Variants in ERMP1 observed in about 807,000 individuals in gnomAD.
ERMP1 encodes endoplasmic reticulum metallopeptidase 1.
Under a neutral mutation model 92.0 loss-of-function variants are expected in ERMP1, and 86 were observed. That is an observed-to-expected ratio of 0.93 (90% CI 0.79 to 1.12). ERMP1 has a LOEUF of 1.12. Ranked by LOEUF, ERMP1 falls within the 50% of genes most tolerant of loss-of-function variation. ERMP1 has a pLI of 0.00. For missense variants in ERMP1, 1,342 were observed against 1,116.3 expected (o/e 1.20, Z -2.88); for synonymous variants, 530 against 412.8 (o/e 1.28, Z -3.44).
intron 2 of ERMP1, 79 bp downstream of exon 2, chr9:5,830,648 T>G: frequency 8.6e-7 from 1 of 1,160,214 alleles, no homozygotes; most frequent in African/African-American, 1.6e-5. Flanking sequence ...TCCCCACAAT[T>G]GCCCAAGTAG....
At position 5,811,172 on chromosome 9, in the gene ERMP1, G is replaced by A. The variant is rs764388180; in HGVS notation, c.1266C>T (p.Tyr422=). The change falls in exon 7 of 15, where the codon TAC becomes TAT. Residue 422 remains tyrosine, a synonymous_variant. Transcript: ENST00000339450. ...ACAAAACAACACCCATTACCACCAT[G>A]TAGTTTATGATTGAGCCAATACGAG... ...YPSRIGSIIN[Y]MVVMGVVLYL... The A allele has an allele frequency of 1.9e-6, 3 of 1,614,002 alleles. No individual in the cohort carries two copies. The Admixed American group carries it at 5.0e-5, about 27-fold the overall frequency.
chr9:5,807,086 T>C (rs1828898262), intron 8 of ERMP1, among the ~76,000 whole-genome samples: 3 of 152,144 alleles, frequency 2.0e-5, no homozygotes, highest in South Asian at 2.1e-4. Flanking sequence ...AAAACAAAGA[T>C]CTCATTTTAA....
chr9:5,831,854 A>G (rs1165804427), intron 1 of ERMP1, among the ~76,000 whole-genome samples: 1 of 152,160 alleles, frequency 6.6e-6, no homozygotes, highest in African/African-American at 2.4e-5. Flanking sequence ...AATGAAAACA[A>G]AACTGTTTTT....
chr9:5,844,281 T>C (rs1480687304), intron 6 of ERMP1, among the ~76,000 whole-genome samples: 6 of 152,090 alleles, frequency 3.9e-5, no homozygotes, highest in Non-Finnish European at 2.9e-5. Context: ...GTTTGTTTGT[T>C]CGTTTGTTTC....
intron 2 of ERMP1, among the ~76,000 whole-genome samples, chr9:5,830,264 A>T (rs115153348): frequency 1.3e-5 from 2 of 152,232 alleles, no homozygotes; most frequent in South Asian, 2.1e-4. Context: ...TCTTCTTCCA[A>T]TGTGGCCCAG....
chr9:5,809,749 G>C (rs904418721), intron 8 of ERMP1, among the ~76,000 whole-genome samples: 1 of 152,196 alleles, frequency 6.6e-6, no homozygotes, highest in African/African-American at 2.4e-5. Flanking sequence ...AAATTCAGTA[G>C]AAGGCTGTGC....
upstream of ERMP1, among the ~76,000 whole-genome samples, chr9:5,834,992 TG>T: frequency 6.7e-6 from 1 of 149,038 alleles, no homozygotes; most frequent in Non-Finnish European, 1.5e-5. Context: ...TGTGTGTGTG[TG>T]TGTGTGTGTG....
chr9:5,865,516 AT>A (rs1189502552), intron 5 of ERMP1, among the ~76,000 whole-genome samples: 770 of 27,604 alleles, frequency 0.028, 1 homozygote, highest in South Asian at 0.085. Flanking sequence ...TCAAAAAATA[AT>A]AATAATAATA....
chr9:5,808,927 C>T (rs1828976004), intron 8 of ERMP1, among the ~76,000 whole-genome samples: 1 of 152,206 alleles, frequency 6.6e-6, no homozygotes, highest in East Asian at 1.9e-4. Context: ...TTTGTGGAGA[C>T]AGGGTTTCAC....
chr9:5,788,804 G>T (rs905811375), intron 13 of ERMP1, among the ~76,000 whole-genome samples: 5 of 152,056 alleles, frequency 3.3e-5, no homozygotes, highest in Admixed American at 1.3e-4. Context: ...ACCCCACCAT[G>T]AATCAGAAAT....
chr9:5,837,581 T>C (rs1342025860), upstream of ERMP1, among the ~76,000 whole-genome samples: 1 of 152,138 alleles, frequency 6.6e-6, no homozygotes, highest in Admixed American at 6.5e-5. Flanking sequence ...AAAAGTCAAA[T>C]GACAAATGGA....
chr9:5,818,043 G>A (rs1437810445), intron 4 of ERMP1, among the ~76,000 whole-genome samples: 5 of 151,938 alleles, frequency 3.3e-5, no homozygotes, highest in Non-Finnish European at 5.9e-5. Context: ...TGGATCTATC[G>A]ATTTTGGTGG....
rs971098304 is a variant in ERMP1, at chr9:5,805,626, C to A, written c.1708G>T (p.Asp570Tyr). The change falls in exon 9 of 15, where the codon GAC (aspartate) becomes TAC (tyrosine). Residue 570 changes from aspartate (D) to tyrosine (Y), a missense_variant. Coordinates refer to ENST00000339450, the MANE Select transcript of ERMP1 (RefSeq NM_024896.3). ...PLLTKLCVHKDFKQHGAQGKF... is the reference protein window; with the variant it reads ...PLLTKLCVHKYFKQHGAQGKF... Reference sequence around the variant, plus strand: ...AATACCCTACCATGCTGCTTGAAGTCCTTATGCACACAGAGCTTTGTGAGC... The same window carrying A: ...AATACCCTACCATGCTGCTTGAAGTACTTATGCACACAGAGCTTTGTGAGC... 2.5e-6 allele frequency: 4 copies of A among 1,594,688 alleles called. No individual in the cohort carries two copies. In the African/African-American group the frequency reaches 4.1e-5, roughly 16 times the overall value.
At chr9:5,832,085 T>TAA (rs71487835) in intron 1 of ERMP1, among the ~76,000 whole-genome samples, 24 of 135,856 alleles carry the variant, frequency 1.8e-4, no homozygotes, top group African/African-American at 5.1e-4. Flanking sequence ...TTAAAGGTCT[T>TAA]AAAAAAAAAA....
At chr9:5,840,988 A>C (rs112353389) in intron 6 of ERMP1, among the ~76,000 whole-genome samples, 53 of 152,222 alleles carry the variant, frequency 3.5e-4, no homozygotes, top group Non-Finnish European at 1.5e-4. Flanking sequence ...GGCGAACTTG[A>C]TTTATATTTT....
chr9:5,824,535 T>G (rs572365668), intron 3 of ERMP1, among the ~76,000 whole-genome samples: 1 of 152,272 alleles, frequency 6.6e-6, no homozygotes, highest in Admixed American at 6.5e-5. Flanking sequence ...CCCGAATAGC[T>G]GGGATTACAG....
chr9:5,857,391 G>A (rs1156767247), intron 6 of ERMP1, among the ~76,000 whole-genome samples: 1 of 152,088 alleles, frequency 6.6e-6, no homozygotes, highest in Non-Finnish European at 1.5e-5. Flanking sequence ...CCTCGGCTGG[G>A]CACGTGCACA....
rs1461354157 is a variant in ERMP1 at position 5,787,000 on chromosome 9, C to T, written c.*144G>A. On this transcript the variant is annotated 3_prime_UTR_variant, in exon 15 of 15. Coordinates refer to ENST00000339450, the MANE Select transcript of ERMP1 (RefSeq NM_024896.3). ...AGCTAAACCCTTATAGTGCTTGGCCCTGAAAAGCGTTAACCCAGAAAGCTC... is the reference window on the plus strand; with the variant it reads ...AGCTAAACCCTTATAGTGCTTGGCCTTGAAAAGCGTTAACCCAGAAAGCTC... 2.5e-6 allele frequency: 2 copies of T among 807,710 alleles called. No individual in the cohort carries two copies. Among genetic ancestry groups the T allele is most frequent in the South Asian group, 1.9e-5 (1 of 53,804 alleles). The allele number at this position is 807,710 out of a possible 1,614,324, so 50.0% of individuals were successfully genotyped here. A position where few individuals can be genotyped will look rare whatever the true frequency, so the allele number is the denominator to read the frequency against.
At chr9:5,803,700 T>C (rs1828760959) in intron 10 of ERMP1, among the ~76,000 whole-genome samples, 1 of 152,112 alleles carries the variant, frequency 6.6e-6, no homozygotes, top group Admixed American at 6.5e-5. Context: ...ACAGCAAACC[T>C]ATCAAAAATA....
Sources: gnomAD v4.1 joint callset for allele counts (sites outside exome capture counted in the v4.1 genomes callset) on GRCh38, gnomAD v4.1.1 for gene constraint, MANE v1.5 for transcripts, NCBI Gene and HGNC (gene_info 2026-07-23, HGNC 2026-07-21) for gene names.